Variants in PAK5 observed in about 807,000 individuals in gnomAD.
PAK5 encodes p21 (RAC1) activated kinase 5.
In PAK5, 16 loss-of-function variants were observed where a neutral mutation model predicts 65.9. That is an observed-to-expected ratio of 0.24 (90% CI 0.16 to 0.37). PAK5 has a LOEUF of 0.37. Ranked by LOEUF, PAK5 falls within the 10% of genes least tolerant of loss-of-function variation. The pLI, the probability that PAK5 is intolerant of heterozygous loss-of-function variation, is 1.00. For missense variants in PAK5, 785 were observed against 903.9 expected, an observed-to-expected ratio of 0.87 and a Z score of 1.69; for synonymous variants, 371 against 354.9, an observed-to-expected ratio of 1.05 and a Z score of -0.51.
At chr20:9,730,485 T>A (rs897196551) in intron 1 of PAK5, among the ~76,000 whole-genome samples, 3 of 152,238 alleles carry the variant, frequency 2.0e-5, no homozygotes, top group African/African-American at 7.2e-5. Context: ...CTTAGGAATG[T>A]CAAGCCCTTG....
At chr20:9,596,778 T>G (rs193182590) in intron 3 of PAK5, among the ~76,000 whole-genome samples, 30 of 152,288 alleles carry the variant, frequency 2.0e-4, no homozygotes, top group African/African-American at 7.2e-4. Flanking sequence ...AGTGGTAGTT[T>G]TAAACCTCTC....
chr20:9,586,089 A>G (rs1034786189), intron 3 of PAK5, among the ~76,000 whole-genome samples: 4 of 152,232 alleles, frequency 2.6e-5, no homozygotes, highest in African/African-American at 9.6e-5. Flanking sequence ...GAAATTGTGA[A>G]TACAGAAGAA....
intron 2 of PAK5, among the ~76,000 whole-genome samples, chr20:9,673,270 G>C (rs2047525071): frequency 6.7e-6 from 1 of 150,264 alleles, no homozygotes; most frequent in African/African-American, 2.4e-5. Context: ...TACTGGAAAA[G>C]AAAAAAAAAG....
Position 9,580,125 on chromosome 20 carries a change from A to G in PAK5, c.990+20T>C. The G allele has an allele frequency of 6.3e-7, 1 of 1,589,328 alleles. No individual in the cohort carries two copies. Among genetic ancestry groups the G allele is most frequent in the Non-Finnish European group, 8.6e-7 (1 of 1,165,388 alleles). ...TGGAGGTTTTTGCACACGTGAGGGA[A>G]AGGAGGTAGCAAACGTTACCTTTGG... On this transcript the variant is annotated intron_variant, in intron 4 of 9. Coordinates refer to ENST00000353224, the MANE Select transcript of PAK5 (RefSeq NM_177990.4).
intron 1 of PAK5, among the ~76,000 whole-genome samples, chr20:9,799,034 G>A (rs949444932): frequency 6.6e-6 from 1 of 152,074 alleles, no homozygotes; most frequent in Non-Finnish European, 1.5e-5. Context: ...GAATTAAAAA[G>A]TATTTGCAAG....
chr20:9,605,460 CT>C (rs1207213457), intron 3 of PAK5, among the ~76,000 whole-genome samples: 1 of 152,134 alleles, frequency 6.6e-6, no homozygotes, highest in East Asian at 1.9e-4. Context: ...ACTATAAGGT[CT>C]TATGCGAACT....
chr20:9,660,353 C>G (rs2047327966), intron 2 of PAK5, among the ~76,000 whole-genome samples: 1 of 115,578 alleles, frequency 8.7e-6, no homozygotes, highest in Admixed American at 1.0e-4. Flanking sequence ...TTTCTCTCTT[C>G]CCTTAGGGCT....
intron 5 of PAK5, among the ~76,000 whole-genome samples, chr20:9,565,375 T>C (rs1008115300): frequency 7.2e-5 from 11 of 152,320 alleles, no homozygotes; most frequent in South Asian, 2.1e-4. Flanking sequence ...AGGAAAAATA[T>C]TTTAAAGTTC....
At chr20:9,541,575 G>A (rs758572607) in intron 9 of PAK5, among the ~76,000 whole-genome samples, 5 of 152,036 alleles carry the variant, frequency 3.3e-5, no homozygotes, top group Non-Finnish European at 7.4e-5. Flanking sequence ...TCCACTTGAT[G>A]CTCCCCGTGC....
intron 3 of PAK5, among the ~76,000 whole-genome samples, chr20:9,634,770 G>A (rs2046964090): frequency 6.6e-6 from 1 of 152,132 alleles, no homozygotes; most frequent in African/African-American, 2.4e-5. Context: ...AGGCAAATGA[G>A]AAAATGGGGG....
intron 3 of PAK5, 48 bp from the exon 4 acceptor site, chr20:9,580,978 T>C: frequency 1.4e-6 from 2 of 1,394,612 alleles, no homozygotes; most frequent in South Asian, 1.4e-5. Context: ...TTTCATGGAT[T>C]TAAATTGATG....
chr20:9,537,957 T>A lies in PAK5; in HGVS notation c.*1505A>T, dbSNP rs2045197112. On this transcript the variant is annotated 3_prime_UTR_variant, in exon 10 of 10. Coordinates refer to ENST00000353224, the MANE Select transcript of PAK5 (RefSeq NM_177990.4). ...TATGCTTAGAGCAACCAGAGCGCTA[T>A]CACAAATTTAAATTCATATTTGTTA... 1 of 231,302 alleles carries A rather than the reference T, an allele frequency of 4.3e-6. No homozygotes were observed. Among genetic ancestry groups the A allele is most frequent in the South Asian group, 1.8e-4 (1 of 5,506 alleles). 14.3% of individuals were successfully genotyped at this position (231,302 alleles called of 1,614,324 possible). A position where few individuals can be genotyped will look rare whatever the true frequency, so the allele number is the denominator to read the frequency against.
intron 1 of PAK5, among the ~76,000 whole-genome samples, chr20:9,779,136 T>C (rs1214415515): frequency 6.6e-6 from 1 of 152,120 alleles, no homozygotes; most frequent in Non-Finnish European, 1.5e-5. Flanking sequence ...TTCTTTTACA[T>C]TGGCAGCTAT....
Position 9,838,300 on chromosome 20 carries a change from C to G in PAK5, c.-162+462G>C, listed in dbSNP as rs146218397. ...GTCCACACCTGCCAAAAGACAAAAA[C>G]CATGCGGGAATCCTGCTCTGGCAAT... On this transcript the variant is annotated intron_variant, in intron 1 of 9. Transcript: ENST00000353224. The surrounding 1 kb of genome is among the most constrained non-coding windows in gnomAD (Gnocchi z 4.5). Among the ~76,000 whole-genome samples, 1,160 of 152,222 alleles carry G rather than the reference C, an allele frequency of 7.6e-3. 18 individuals are homozygous for G. Among genetic ancestry groups the G allele is most frequent in the African/African-American group, 0.027 (1,115 of 41,544 alleles).
At chr20:9,561,056 A>G (rs2045582984) in intron 6 of PAK5, among the ~76,000 whole-genome samples, 1 of 152,184 alleles carries the variant, frequency 6.6e-6, no homozygotes, top group Admixed American at 6.6e-5. Context: ...GTTATTCAAT[A>G]TCTATTAAAG....
intron 2 of PAK5, among the ~76,000 whole-genome samples, chr20:9,671,912 A>C (rs1312681351): frequency 6.6e-6 from 1 of 152,166 alleles, no homozygotes; most frequent in Non-Finnish European, 1.5e-5. Context: ...CCCTGACTTT[A>C]AAATAGGCCC....
At chr20:9,689,510 C>A (rs1439774838) in intron 2 of PAK5, among the ~76,000 whole-genome samples, 7 of 152,176 alleles carry the variant, frequency 4.6e-5, no homozygotes, top group African/African-American at 1.7e-4. Flanking sequence ...CCTAACCTCC[C>A]TTGCAACTTC....
intron 3 of PAK5, among the ~76,000 whole-genome samples, chr20:9,584,588 G>A (rs1255264960): frequency 2.6e-5 from 4 of 152,256 alleles, no homozygotes; most frequent in African/African-American, 9.6e-5. Flanking sequence ...TGGGATTACA[G>A]GCGTGAGCCA....
intron 2 of PAK5, among the ~76,000 whole-genome samples, chr20:9,647,940 C>G (rs903450653): frequency 1.3e-5 from 2 of 152,196 alleles, no homozygotes; most frequent in Admixed American, 1.3e-4. Context: ...GTCCTAGTGC[C>G]TTTTAGCACC....
Sources: allele counts gnomAD v4.1 joint callset (sites outside exome capture counted in the v4.1 genomes callset), GRCh38; gene constraint gnomAD v4.1.1; non-coding constraint Gnocchi (gnomAD v3.1); transcripts MANE v1.5; gene names NCBI Gene and HGNC (gene_info 2026-07-23, HGNC 2026-07-21).